KANK1: variants seen among roughly 807,000 people sequenced by gnomAD.
KANK1 encodes KN motif and ankyrin repeat domain-containing protein 1.
In KANK1, 109 loss-of-function variants were observed where a neutral mutation model predicts 106.2. That is an observed-to-expected ratio of 1.03 (90% confidence interval 0.88 to 1.20). The LOEUF (loss-of-function observed/expected upper bound fraction) is 1.20. Among genes scored for constraint, KANK1 ranks in the 50% most tolerant of loss-of-function variants. KANK1 has a pLI of 0.00. For missense variants in KANK1, 2,399 were observed against 1,710.7 expected, an observed-to-expected ratio of 1.40 and a Z score of -7.10; for synonymous variants, 873 against 652.2, an observed-to-expected ratio of 1.34 and a Z score of -5.16.
At chr9:641,656 G>A (rs75848799) in intron 1 of KANK1, among the ~76,000 whole-genome samples, 5,618 of 152,274 alleles carry the variant, frequency 0.037, 358 homozygotes, top group African/African-American at 0.13. Context: ...GAATGATTCA[G>A]TGAGAAAGAA....
chr9:744,211 T>C (rs1243951100), intron 10 of KANK1, among the ~76,000 whole-genome samples: 1 of 149,404 alleles, frequency 6.7e-6, no homozygotes, highest in Admixed American at 6.8e-5. Context: ...AAAAAAACTT[T>C]CTATCCCCAT....
intron 1 of KANK1, among the ~76,000 whole-genome samples, chr9:507,944 A>G (rs1563687364): frequency 2.0e-5 from 3 of 151,094 alleles, no homozygotes; most frequent in East Asian, 2.0e-4. Context: ...TCAGCCTCCC[A>G]AAGTGCTGAG....
chr9:610,697 A>G (rs112264853), intron 1 of KANK1, among the ~76,000 whole-genome samples: 121 of 152,312 alleles, frequency 7.9e-4, no homozygotes, highest in African/African-American at 2.8e-3. Flanking sequence ...GAAGAATTGT[A>G]CATTCCAGGA....
chr9:521,016 A>G (rs557520778), intron 1 of KANK1, among the ~76,000 whole-genome samples: 56 of 151,904 alleles, frequency 3.7e-4, no homozygotes, highest in Admixed American at 1.6e-3. Flanking sequence ...TTTGACAGAA[A>G]TAAAATTTAT....
chr9:710,608 C>T (rs1413596031), intron 2 of KANK1, among the ~76,000 whole-genome samples, 196 bp from the exon 3 acceptor site: 1 of 117,718 alleles, frequency 8.5e-6, no homozygotes, highest in Non-Finnish European at 1.7e-5. Context: ...GACAGAATGA[C>T]CTGTCTCAAA....
chr9:497,257 C>T (rs909811123), intron 3 of KANK1, among the ~76,000 whole-genome samples: 5 of 152,074 alleles, frequency 3.3e-5, no homozygotes, highest in Non-Finnish European at 7.3e-5. Flanking sequence ...GCAGTATGAC[C>T]ATGGGCAAGG....
At chr9:735,386 G>T (rs1341682125) in intron 7 of KANK1, among the ~76,000 whole-genome samples, 1 of 152,142 alleles carries the variant, frequency 6.6e-6, no homozygotes, top group Non-Finnish European at 1.5e-5. Context: ...AAGAGTTTGT[G>T]GTTGCCTTAG....
chr9:504,615 C>G (rs559886935), upstream of KANK1: 1 of 151,618 alleles, frequency 6.6e-6, no homozygotes, highest in East Asian at 2.0e-4. Flanking sequence ...CCCGCCCCGG[C>G]GGCGGCCGTG....
intron 1 of KANK1, chr9:549,780 T>G (rs541112105): frequency 4.6e-5 from 7 of 152,434 alleles, no homozygotes; most frequent in South Asian, 4.1e-4. Flanking sequence ...GGGGACGGTT[T>G]GGTGCGTAAA....
chr9:532,711 A>G (rs1438604038), intron 1 of KANK1, among the ~76,000 whole-genome samples: 2 of 152,214 alleles, frequency 1.3e-5, no homozygotes, highest in East Asian at 1.9e-4. Flanking sequence ...GGAATAAAAT[A>G]TAGCCTTTAT....
chr9:615,974 A>G (rs1010750323), intron 1 of KANK1, among the ~76,000 whole-genome samples: 1 of 152,186 alleles, frequency 6.6e-6, no homozygotes, highest in South Asian at 2.1e-4. Flanking sequence ...TTGCCTGCCC[A>G]GACAAGCCTC....
intron 1 of KANK1, among the ~76,000 whole-genome samples, chr9:656,507 T>G (rs765119499): frequency 3.3e-5 from 5 of 152,148 alleles, no homozygotes; most frequent in African/African-American, 9.7e-5. Context: ...TGGCCTGTCA[T>G]TGGTCAGTCT....
intron 1 of KANK1, among the ~76,000 whole-genome samples, chr9:578,348 T>C (rs1821148786): frequency 6.6e-6 from 1 of 152,098 alleles, no homozygotes; most frequent in African/African-American, 2.4e-5. Flanking sequence ...TGTGTGTGTG[T>C]GTGTTTGCCT....
intron 6 of KANK1, chr9:734,539 A>T (rs758782910): frequency 3.7e-5 from 16 of 431,998 alleles, no homozygotes; most frequent in Non-Finnish European, 6.0e-5. Context: ...GGTGGTGCAC[A>T]CCTGTAGTCC....
chr9:542,531 C>A (rs4742073), intron 1 of KANK1, among the ~76,000 whole-genome samples: 36,458 of 152,090 alleles, frequency 0.24, 4,989 homozygotes, highest in Admixed American at 0.35. Context: ...AACTGAACTT[C>A]CATATGATCC....
chr9:653,313 C>T (rs7875094), intron 1 of KANK1, among the ~76,000 whole-genome samples: 27,565 of 151,912 alleles, frequency 0.18, 2,735 homozygotes, highest in East Asian at 0.32. Context: ...CGTGGTCTCT[C>T]TAGTGCTACT....
At chr9:494,589 A>T (rs768936796) in intron 3 of KANK1, among the ~76,000 whole-genome samples, 2 of 152,090 alleles carry the variant, frequency 1.3e-5, no homozygotes, top group Non-Finnish European at 2.9e-5. Flanking sequence ...CTCTCTCCCC[A>T]CTTGCTCTGG....
chr9:585,403 C>T (rs1356496900), intron 1 of KANK1, among the ~76,000 whole-genome samples: 2 of 152,194 alleles, frequency 1.3e-5, no homozygotes, highest in Non-Finnish European at 2.9e-5. Flanking sequence ...GTCAGATTGT[C>T]TACCAATGGT....
At chr9:554,139 C>T (rs1291034588) in intron 1 of KANK1, among the ~76,000 whole-genome samples, 2 of 152,154 alleles carry the variant, frequency 1.3e-5, no homozygotes, top group Non-Finnish European at 2.9e-5. Context: ...GCCAGGAAGT[C>T]CCAGGATGTT....
Sources: gnomAD v4.1 joint callset for allele counts (sites outside exome capture counted in the v4.1 genomes callset) on GRCh38, gnomAD v4.1.1 for gene constraint, MANE v1.5 for transcripts, NCBI Gene and HGNC (gene_info 2026-07-23, HGNC 2026-07-21) for gene names.